Variants in MCM3AP observed in about 807,000 individuals in gnomAD.
MCM3AP encodes minichromosome maintenance complex component 3 associated protein.
MCM3AP carries 126 observed loss-of-function variants against 184.1 expected under a neutral mutation model. The observed-to-expected ratio is 0.68, with a 90% CI of 0.59 to 0.79. The LOEUF (loss-of-function observed/expected upper bound fraction) is 0.79. Ranked by LOEUF, MCM3AP falls within the 30% of genes least tolerant of loss-of-function variation. The pLI is 0.00. For synonymous variants in MCM3AP, 1,002 were observed against 979.3 expected, an observed-to-expected ratio of 1.02 and a Z score of -0.43; for missense variants, 2,496 against 2,479.2, an observed-to-expected ratio of 1.01 and a Z score of -0.14.
At position 46,235,158 on chromosome 21, in the gene MCM3AP, GATTAA is replaced by G. The variant is rs1342220650; in HGVS notation, c.*105_*109del. 1 of 1,211,914 alleles carries G rather than the reference GATTAA, an allele frequency of 8.3e-7. No individual in the cohort carries two copies. The highest frequency in any genetic ancestry group is 1.2e-6 in the Non-Finnish European group (1 of 860,966). The allele number at this position is 1,211,914 out of a possible 1,614,324, so 75.1% of individuals were successfully genotyped here. ...TGACATTTAAATGGTTTATCTGCAT[GATTAA>G]ATTAATCACATTTCCAACAGTGCAT... is the stretch of plus-strand genomic sequence containing the variant. On this transcript the variant is annotated 3_prime_UTR_variant, in exon 28 of 28. Transcript: ENST00000291688.
chr21:46,240,772 AGACTAAACACACAT>A (rs767504842), intron 26 of MCM3AP, 25 bp downstream of exon 26: 1 of 1,577,112 alleles, frequency 6.3e-7, no homozygotes, highest in South Asian at 1.1e-5. Context: ...AGCATAAAGC[AGACTAAACACACAT>A]GAATTAGAAG....
chr21:46,276,721 G>A (rs917195507), intron 5 of MCM3AP, among the ~76,000 whole-genome samples: 4 of 149,512 alleles, frequency 2.7e-5, no homozygotes, highest in South Asian at 4.2e-4. Flanking sequence ...GATTACAGGC[G>A]TGAGCCACCA....
At chr21:46,273,781 C>T (rs2081218702) in intron 6 of MCM3AP, among the ~76,000 whole-genome samples, 196 bp from the exon 7 acceptor site, 1 of 152,096 alleles carries the variant, frequency 6.6e-6, no homozygotes, top group Non-Finnish European at 1.5e-5. Flanking sequence ...TTGATTTTGG[C>T]AAATATGACA....
intron 26 of MCM3AP, among the ~76,000 whole-genome samples, chr21:46,240,100 T>C (rs1189503217): frequency 1.3e-5 from 2 of 152,062 alleles, no homozygotes; most frequent in Non-Finnish European, 2.9e-5. Context: ...GGGCACCACC[T>C]AATATGGGGA....
intron 17 of MCM3AP, chr21:46,256,526 T>G: frequency 5.8e-6 from 3 of 516,404 alleles, no homozygotes; most frequent in Non-Finnish European, 1.0e-5. Flanking sequence ...TGATGCAGAG[T>G]CAGACTCAGG....
At chr21:46,243,070 CTGATT>C in intron 24 of MCM3AP, 139 bp from the exon 25 acceptor site, 2 of 776,706 alleles carry the variant, frequency 2.6e-6, no homozygotes, top group East Asian at 5.2e-5. Flanking sequence ...CTTAAATTCA[CTGATT>C]TAAGTGCAAG....
rs17176639 is a variant in MCM3AP, at chr21:46,256,653, G to A, written c.3932+136C>T. ...AAAATGCAACCCTGTGCCTGTCCTC[G>A]CCTCCAGGCTTCACCTATCTTCGCC... On this transcript the variant is annotated intron_variant, in intron 17 of 27. Coordinates refer to ENST00000291688, the MANE Select transcript of MCM3AP (RefSeq NM_003906.5). 8,061 of 1,096,784 alleles carry A rather than the reference G, an allele frequency of 7.3e-3. 42 individuals carry two copies. Among genetic ancestry groups the A allele is most frequent in the Non-Finnish European group, 9.1e-3 (7,153 of 786,388 alleles). 67.9% of individuals were successfully genotyped at this position (1,096,784 alleles called of 1,614,324 possible).
chr21:46,264,488 T>A (rs916702407), intron 12 of MCM3AP, among the ~76,000 whole-genome samples: 3 of 152,282 alleles, frequency 2.0e-5, no homozygotes, highest in Middle Eastern at 6.8e-3. Context: ...GACCACTCTA[T>A]GCTCCCCCTA....
intron 3 of MCM3AP, 136 bp from the exon 4 acceptor site, chr21:46,280,273 G>A (rs2081315493): frequency 1.9e-6 from 2 of 1,049,338 alleles, no homozygotes; most frequent in African/African-American, 3.2e-5. Context: ...GGAAATAACT[G>A]TGAGATGCAA....
At chr21:46,279,925 AG>A in intron 4 of MCM3AP, 67 bp downstream of exon 4, 1 of 1,478,560 alleles carries the variant, frequency 6.8e-7, no homozygotes, top group Non-Finnish European at 9.2e-7. Context: ...ACCCTGACTC[AG>A]GTGTCGCTAT....
chr21:46,266,832 C>T (rs1601527650), intron 10 of MCM3AP, 150 bp downstream of exon 10: 1 of 825,786 alleles, frequency 1.2e-6, no homozygotes, highest in East Asian at 2.7e-5. Flanking sequence ...GGAACACCCC[C>T]AGCCATTCTG....
At position 46,264,209 on chromosome 21, in the gene MCM3AP, C is replaced by T. The variant is rs778113579; in HGVS notation, c.3243G>A (p.Ala1081=). The T allele has an allele frequency of 1.4e-5, 22 of 1,611,274 alleles. No individual in the cohort carries two copies. The highest frequency in any genetic ancestry group is 4.4e-5 in the South Asian group (4 of 90,758). Residue 1081 remains alanine (A), a synonymous_variant, in exon 13 of 28, where the codon GCG becomes GCA. Coordinates refer to ENST00000291688, the MANE Select transcript of MCM3AP (RefSeq NM_003906.5). ...CCTGGATGAGCTCGTCCACCACCTG[C>T]GCCAGGTCCTGTGGAGAGACCAGCA... ...PVPMYSDEDL[A]QVVDELIQEA...
intron 8 of MCM3AP, 82 bp downstream of exon 8, chr21:46,272,479 C>A (rs1048403709): frequency 6.1e-5 from 83 of 1,370,450 alleles, no homozygotes; most frequent in Non-Finnish European, 1.3e-5. Context: ...CTATTGGCTA[C>A]TGCCACTCCT....
At position 46,284,734 on chromosome 21, in the gene MCM3AP, C is replaced by CACT; in HGVS notation, c.550_552dup (p.Ser184dup). 1 of 1,614,028 alleles carries CACT rather than the reference C, an allele frequency of 6.2e-7. No homozygotes were observed. Among genetic ancestry groups the CACT allele is most frequent in the African/African-American group, 1.3e-5 (1 of 75,024 alleles). On this transcript the variant is annotated inframe_insertion, in exon 1 of 28. Coordinates refer to ENST00000291688, the MANE Select transcript of MCM3AP (RefSeq NM_003906.5). ...GAGAAAGGGGCCAGGCCTCCAGGTG[C>CACT]ACTACTAATTGGGTGGGAAAATGTA...
chr21:46,258,854 G>A, intron 16 of MCM3AP, 85 bp downstream of exon 16: 1 of 1,451,552 alleles, frequency 6.9e-7, no homozygotes, highest in Non-Finnish European at 9.6e-7. Flanking sequence ...ACTGAATACA[G>A]AAACTAATAG....
intron 7 of MCM3AP, among the ~76,000 whole-genome samples, 167 bp downstream of exon 7, chr21:46,273,221 C>T (rs2081205991): frequency 6.6e-6 from 1 of 152,200 alleles, no homozygotes; most frequent in Non-Finnish European, 1.5e-5. Flanking sequence ...GTGATCCACC[C>T]ACCTCGGCCT....
intron 4 of MCM3AP, among the ~76,000 whole-genome samples, chr21:46,278,699 G>A (rs1313201688): frequency 2.0e-5 from 3 of 151,592 alleles, no homozygotes; most frequent in Non-Finnish European, 4.4e-5. Context: ...TTTGAGATGG[G>A]GTCTCGCTCT....
At chr21:46,249,024 G>A (rs956317828) in intron 20 of MCM3AP, among the ~76,000 whole-genome samples, 14 of 152,128 alleles carry the variant, frequency 9.2e-5, no homozygotes, top group African/African-American at 3.4e-4. Flanking sequence ...GCTAAGCCCT[G>A]CACAGTGAGT....
Position 46,254,470 on chromosome 21 carries a change from C to T in MCM3AP, c.4058G>A (p.Gly1353Glu), listed in dbSNP as rs760835875. Reference sequence around the variant, plus strand: ...CTTCCAAAACACATGCTCCTGCCTCCCAGGGAGGTGCTCAGCCACGAGGGA... The same window carrying T: ...CTTCCAAAACACATGCTCCTGCCTCTCAGGGAGGTGCTCAGCCACGAGGGA... Reference protein sequence around the residue: ...LPSLVAEHLPGRQEHVFWKLV... With the variant: ...LPSLVAEHLPERQEHVFWKLV... Residue 1353 changes from glycine to glutamate, a missense_variant, in exon 19 of 28, where the codon GGG (glycine) becomes GAG (glutamate). Physicochemically the swap from Gly to Glu is moderately conservative, Grantham distance 98. Coordinates refer to ENST00000291688, the MANE Select transcript of MCM3AP (RefSeq NM_003906.5). The T allele has an allele frequency of 9.3e-6, 15 of 1,614,124 alleles. No individual in the cohort carries two copies. The highest frequency in any genetic ancestry group is 1.1e-5 in the Non-Finnish European group (13 of 1,180,022).
Sources: allele counts gnomAD v4.1 joint callset (sites outside exome capture counted in the v4.1 genomes callset), GRCh38; gene constraint gnomAD v4.1.1; transcripts MANE v1.5; gene names NCBI Gene and HGNC (gene_info 2026-07-23, HGNC 2026-07-21).